Variants in GRIN1 observed in about 807,000 individuals in gnomAD.
GRIN1 encodes the protein glutamate receptor ionotropic, NMDA 1.
GRIN1 carries 38 observed loss-of-function variants against 103.0 expected under a neutral mutation model. That is an observed-to-expected ratio of 0.37 (90% CI 0.28 to 0.48). The LOEUF is 0.48. GRIN1 is among the 20% of genes least tolerant of loss of function. GRIN1 has a pLI of 0.98. For synonymous variants in GRIN1, 544 were observed against 532.7 expected, an observed-to-expected ratio of 1.02 and a Z score of -0.29; for missense variants, 577 against 1,288.9, an observed-to-expected ratio of 0.45 and a Z score of 8.46.
At chr9:137,155,845 G>C (rs1248434093) in intron 4 of GRIN1, among the ~76,000 whole-genome samples, 1 of 152,250 alleles carries the variant, frequency 6.6e-6, no homozygotes. Context: ...GGTGAGGCCT[G>C]TCTGGGCTCT....
intron 8 of GRIN1, among the ~76,000 whole-genome samples, chr9:137,159,433 C>T (rs1483729411): frequency 6.6e-6 from 1 of 152,208 alleles, no homozygotes; most frequent in Non-Finnish European, 1.5e-5. Flanking sequence ...TTGGTGTCAG[C>T]CCCTGTGACC....
In GRIN1 at chr9:137,139,972, CAG is replaced by C. The variant is rs1405084213; in HGVS notation, c.258+231_258+232del. ...GTCACCTGCCACCTTGGCTGGTCCT[CAG>C]AGGGCCCCTGGGGCTCCAGGCCCTG... On this transcript the variant is annotated intron_variant, in intron 1 of 19. Transcript: ENST00000371561. The surrounding 1 kb of genome is among the most constrained non-coding windows in gnomAD (Gnocchi z 7.7). 2.0e-5 allele frequency among the ~76,000 whole-genome samples: 3 copies of C among 152,212 alleles called. No homozygotes were observed.
Position 137,154,129 on chromosome 9 carries a change from T to G in GRIN1, c.672-2540T>G, listed in dbSNP as rs1263569208. 3.3e-5 allele frequency among the ~76,000 whole-genome samples: 5 copies of G among 149,654 alleles called. No individual in the cohort carries two copies. In the South Asian group the frequency reaches 1.1e-3, roughly 32 times the overall value. On this transcript the variant is annotated intron_variant, in intron 4 of 19. Transcript: ENST00000371561. The stretch of plus-strand genomic sequence containing the variant: ...GCCTGCCTTTTTTTTTTTCTTTTTT[T>G]TTTGTGTGTGTGTGTGAGACAGTCT...
intron 4 of GRIN1, 85 bp downstream of exon 4, chr9:137,149,194 G>T: frequency 1.1e-6 from 1 of 942,888 alleles, no homozygotes; most frequent in South Asian, 1.4e-5. Context: ...CTGGGACATT[G>T]TTGGGCACAG....
intron 2 of GRIN1, among the ~76,000 whole-genome samples, chr9:137,144,393 G>C (rs557656543): frequency 6.4e-4 from 97 of 151,626 alleles, no homozygotes; most frequent in African/African-American, 1.7e-3. Context: ...GGTGGCTCAC[G>C]CCTGTAATCC....
chr9:137,140,552 A>G (rs1168175455), intron 1 of GRIN1, among the ~76,000 whole-genome samples: 1 of 152,240 alleles, frequency 6.6e-6, no homozygotes, highest in African/African-American at 2.4e-5. Flanking sequence ...TCAGCATCAC[A>G]CAATCAATTT....
At chr9:137,164,291 A>G in intron 18 of GRIN1, 1 of 335,772 alleles carries the variant, frequency 3.0e-6, no homozygotes, top group Middle Eastern at 1.1e-3. Flanking sequence ...AAGCCCCTTG[A>G]CACCCTTCGG....
intron 18 of GRIN1, chr9:137,164,333 C>T: frequency 3.4e-6 from 1 of 298,490 alleles, no homozygotes; most frequent in South Asian, 3.0e-5. Flanking sequence ...TGTCCTTGTG[C>T]TCCGTGACTC....
chr9:137,147,057 A>G (rs1429795353), intron 3 of GRIN1, among the ~76,000 whole-genome samples: 2 of 78,726 alleles, frequency 2.5e-5, no homozygotes, highest in African/African-American at 9.8e-5. Flanking sequence ...CCAGCACCCG[A>G]CAGGCCCCTC....
rs746451079 is a variant in GRIN1, at chr9:137,163,972, C to T, written c.2589+68C>T. 50 of 1,563,760 alleles carry T rather than the reference C, an allele frequency of 3.2e-5. 1 individual carries two copies. The African/African-American group carries it at 4.1e-4, about 13-fold the overall frequency. On this transcript the variant is annotated intron_variant, in intron 18 of 19. Coordinates refer to ENST00000371561, the MANE Select transcript of GRIN1 (RefSeq NM_007327.4). ...CCTGGCCACGGCCCTCCTCCATCCC[C>T]GAAGGCCGTGGCACTGGCTCTGGCT...
In GRIN1 at chr9:137,161,053, C is replaced by CA; in HGVS notation, c.1198-2dup. 6.2e-7 allele frequency: 1 copy of CA among 1,612,808 alleles called. No homozygotes were observed. On this transcript the variant is annotated splice_polypyrimidine_tract_variant and splice_region_variant and intron_variant, in intron 8 of 19. Coordinates refer to ENST00000371561, the MANE Select transcript of GRIN1 (RefSeq NM_007327.4). The stretch of plus-strand genomic sequence containing the variant: ...CCAGGCTGGGTCTCCCCTTCCCCCC[C>CA]AGATTGTGACGATCCACCAGGAGCC...
In GRIN1 at chr9:137,139,638, A is replaced by G. The variant is rs767000671; in HGVS notation, c.152A>G (p.Lys51Arg). The G allele has an allele frequency of 5.6e-6, 9 of 1,613,752 alleles. No homozygotes were observed. In the Admixed American group the frequency reaches 1.3e-4, roughly 24 times the overall value. Residue 51 changes from lysine (K) to arginine (R), a missense_variant, in exon 1 of 20, where the codon AAG becomes AGG. Lys to Arg is a conservative substitution (Grantham distance 26). Around this residue, in one of 9 missense-constraint regions of GRIN1, gnomAD observed 308 missense variants for 553.6 expected, o/e 0.56. Coordinates refer to ENST00000371561, the MANE Select transcript of GRIN1 (RefSeq NM_007327.4). This position sits in a 1 kb window ranked among gnomAD's most constrained non-coding sequence, Gnocchi z 7.7. ...MFREAVNQAN[K>R]RHGSWKIQLN... The stretch of plus-strand genomic sequence containing the variant: ...CGCGAGGCCGTGAACCAGGCCAACA[A>G]GCGGCACGGCTCCTGGAAGATTCAG...
rs923149539 is a variant in GRIN1 at position 137,167,765 on chromosome 9, A to G, written c.*238A>G. On this transcript the variant is annotated 3_prime_UTR_variant, in exon 20 of 20. Transcript: ENST00000371561. ...ACGGGCGCCTTGTCTGTGTATTTCT[A>G]TTTTGCAGCAGTACCATCCCACTGA... 6.2e-7 allele frequency: 1 copy of G among 1,611,776 alleles called. No homozygotes were observed. Among genetic ancestry groups the G allele is most frequent in the Admixed American group, 1.7e-5 (1 of 59,990 alleles).
intron 18 of GRIN1, 119 bp downstream of exon 18, chr9:137,164,023 G>T: frequency 8.1e-7 from 1 of 1,240,296 alleles, no homozygotes; most frequent in Non-Finnish European, 1.2e-6. Flanking sequence ...GGAGCTAGGA[G>T]CCATGGCCAG....
chr9:137,164,976 A>G, intron 18 of GRIN1: 1 of 568,138 alleles, frequency 1.8e-6, no homozygotes. Context: ...GCCCAGCCCC[A>G]GCACGAGCAA....
At chr9:137,157,359 GCACCACCACATCTAATGGCACAA>G (rs1833294878) in intron 6 of GRIN1, among the ~76,000 whole-genome samples, 1 of 152,068 alleles carries the variant, frequency 6.6e-6, no homozygotes, top group African/African-American at 2.4e-5. Flanking sequence ...CACACCCCCA[GCACCACCACATCTAATGGCACAA>G]TCATCTGCCC....
At chr9:137,158,137 G>A (rs1316397872) in intron 6 of GRIN1, among the ~76,000 whole-genome samples, 2 of 152,232 alleles carry the variant, frequency 1.3e-5, no homozygotes, top group East Asian at 1.9e-4. Context: ...CCACTCAGCT[G>A]TCATGAACCA....
In GRIN1 at chr9:137,167,803, G is replaced by A. The variant is rs773349880; in HGVS notation, c.*276G>A. The A allele has an allele frequency of 3.1e-6, 5 of 1,612,080 alleles. No individual in the cohort carries two copies. The highest frequency in any genetic ancestry group is 2.5e-6 in the Non-Finnish European group (3 of 1,179,650). On this transcript the variant is annotated 3_prime_UTR_variant, in exon 20 of 20. Transcript: ENST00000371561. ...ACCATCCCACTGATATCACGGGCCCGCTCAACCTCTCAGATCCCTCGGTCA... is the reference window on the plus strand; with the variant it reads ...ACCATCCCACTGATATCACGGGCCCACTCAACCTCTCAGATCCCTCGGTCA...
chr9:137,168,274 A>C lies in GRIN1; in HGVS notation c.*747A>C. 9.0e-6 allele frequency: 2 copies of C among 223,346 alleles called. No homozygotes were observed. The highest frequency in any genetic ancestry group is 6.5e-5 in the South Asian group (1 of 15,466). 13.8% of individuals were successfully genotyped at this position (223,346 alleles called of 1,614,324 possible). Reference sequence around the variant, plus strand: ...TGCGCTCCTCTGCAGCCTGAGCTCCACCCTCCCCTCTTCTTGCGGCACCGC... The same window carrying C: ...TGCGCTCCTCTGCAGCCTGAGCTCCCCCCTCCCCTCTTCTTGCGGCACCGC... On this transcript the variant is annotated 3_prime_UTR_variant, in exon 20 of 20. Transcript: ENST00000371561.
Sources: allele counts gnomAD v4.1 joint callset (sites outside exome capture counted in the v4.1 genomes callset), GRCh38; gene constraint gnomAD v4.1.1; regional missense constraint gnomAD v4.1.1; non-coding constraint Gnocchi (gnomAD v3.1); transcripts MANE v1.5; gene names NCBI Gene and HGNC (gene_info 2026-07-23, HGNC 2026-07-21).